CCBE1: variants seen among roughly 807,000 people sequenced by gnomAD.
The protein encoded by CCBE1 is collagen and calcium binding EGF domains 1.
CCBE1 carries 37 observed loss-of-function variants against 50.0 expected under a neutral mutation model. The ratio of observed to expected loss-of-function variants is 0.74; its 90% CI spans 0.57 to 0.97. The LOEUF (loss-of-function observed/expected upper bound fraction) is 0.97, where lower values mean the gene tolerates loss of function less well. CCBE1 is among the 50% of genes least tolerant of loss of function. CCBE1 has a pLI of 0.00. For missense variants in CCBE1, 538 were observed against 523.8 expected, an observed-to-expected ratio of 1.03 and a Z score of -0.26; for synonymous variants, 234 against 203.7, an observed-to-expected ratio of 1.15 and a Z score of -1.27.
rs191132730 is a variant in CCBE1 at position 59,635,633 on chromosome 18, G to A, written c.212+60996C>T. 4.6e-3 allele frequency among the ~76,000 whole-genome samples: 693 copies of A among 152,034 alleles called. 11 individuals are homozygous for A. Among genetic ancestry groups the A allele is most frequent in the African/African-American group, 0.016 (650 of 41,460 alleles). On this transcript the variant is annotated intron_variant, in intron 2 of 10. Transcript: ENST00000439986. Reference sequence around the variant, plus strand: ...TTCAGGAAGAGAAGAAGATATTTGTGAACAATAGACATGAAGGTGATTGTT... The same window carrying A: ...TTCAGGAAGAGAAGAAGATATTTGTAAACAATAGACATGAAGGTGATTGTT...
intron 2 of CCBE1, among the ~76,000 whole-genome samples, chr18:59,495,680 G>C (rs1913322488): frequency 6.6e-6 from 1 of 151,688 alleles, no homozygotes; most frequent in African/African-American, 2.4e-5. Context: ...CTATGACTTG[G>C]AAGTGTTTTT....
Position 59,438,091 on chromosome 18 carries a change from G to A in CCBE1, c.987+20C>T. 1.2e-6 allele frequency: 2 copies of A among 1,613,870 alleles called. No homozygotes were observed. Among genetic ancestry groups the A allele is most frequent in the South Asian group, 2.2e-5 (2 of 91,050 alleles). The stretch of plus-strand genomic sequence containing the variant: ...CTGAGAACGTTCCCCTGGGGAAGCA[G>A]GACACAGAGTGCTACTTACTGGAGA... On this transcript the variant is annotated intron_variant, in intron 10 of 10. Coordinates refer to ENST00000439986, the MANE Select transcript of CCBE1 (RefSeq NM_133459.4).
intron 2 of CCBE1, among the ~76,000 whole-genome samples, chr18:59,645,149 G>T (rs2054039968): frequency 6.6e-6 from 1 of 152,188 alleles, no homozygotes; most frequent in African/African-American, 2.4e-5. Flanking sequence ...AGCTACTCAG[G>T]AGGCTGAGGC....
At chr18:59,582,124 G>A (rs941280724) in intron 2 of CCBE1, among the ~76,000 whole-genome samples, 15 of 152,098 alleles carry the variant, frequency 9.9e-5, no homozygotes, top group East Asian at 3.9e-4. Context: ...GGGTGCTCCT[G>A]TACCCTCCGG....
chr18:59,657,788 G>A (rs1460427050), intron 2 of CCBE1, among the ~76,000 whole-genome samples: 3 of 152,198 alleles, frequency 2.0e-5, no homozygotes, highest in Non-Finnish European at 4.4e-5. Flanking sequence ...TACTCAAGAG[G>A]CTGAGGCAGG....
chr18:59,446,870 A>G (rs1465967532), intron 7 of CCBE1, among the ~76,000 whole-genome samples: 1 of 152,188 alleles, frequency 6.6e-6, no homozygotes, highest in East Asian at 1.9e-4. Context: ...TAGGATGTCA[A>G]GAGGTCATTC....
At position 59,447,993 on chromosome 18, in the gene CCBE1, C is replaced by T; in HGVS notation, c.765G>A (p.Gln255=). The stretch of plus-strand genomic sequence containing the variant: ...CTCTTCCACACTCACCGGGAGGGCC[C>T]TGGCCCCCAGGCAGGCCAGGAGGTC... ...LPGPPGLPGG[Q]GPPGSPGPKG... The change falls in exon 7 of 11, where the codon CAG becomes CAA. Residue 255 remains glutamine, a synonymous_variant. Transcript: ENST00000439986. 1 of 1,614,202 alleles carries T rather than the reference C, an allele frequency of 6.2e-7. No homozygotes were observed.
intron 2 of CCBE1, among the ~76,000 whole-genome samples, chr18:59,483,751 G>T (rs1437875490): frequency 6.6e-6 from 1 of 152,178 alleles, no homozygotes; most frequent in African/African-American, 2.4e-5. Context: ...ATGCAATGCA[G>T]TGGTGGTAGA....
At chr18:59,697,698 T>G, upstream of CCBE1, 1 of 221,066 alleles carries the variant, frequency 4.5e-6, no homozygotes, top group Non-Finnish European at 9.0e-6. Context: ...TCCCTCTCCC[T>G]CCTCTGGGAG....
chr18:59,471,918 C>T (rs1316863040), intron 3 of CCBE1, among the ~76,000 whole-genome samples: 2 of 152,236 alleles, frequency 1.3e-5, no homozygotes, highest in Non-Finnish European at 1.5e-5. Flanking sequence ...CATGTGCCAC[C>T]TCCGGAGGTT....
chr18:59,507,143 T>G (rs896824766), intron 2 of CCBE1, among the ~76,000 whole-genome samples: 1 of 152,180 alleles, frequency 6.6e-6, no homozygotes, highest in African/African-American at 2.4e-5. Context: ...AGTCAAAACA[T>G]CTGAAAATCA....
intron 2 of CCBE1, among the ~76,000 whole-genome samples, chr18:59,590,824 A>G (rs1452620767): frequency 6.6e-6 from 1 of 152,220 alleles, no homozygotes; most frequent in Admixed American, 6.5e-5. Context: ...TAAAAAGATA[A>G]AATTAGATAC....
chr18:59,597,272 T>G (rs2053365877), intron 2 of CCBE1, among the ~76,000 whole-genome samples: 1 of 152,230 alleles, frequency 6.6e-6, no homozygotes, highest in Non-Finnish European at 1.5e-5. Flanking sequence ...AGGTAATTCA[T>G]AAAAAGCACT....
intron 7 of CCBE1, among the ~76,000 whole-genome samples, chr18:59,442,545 C>G (rs1259139009): frequency 3.3e-5 from 5 of 151,900 alleles, no homozygotes. Flanking sequence ...GTGGCCAACA[C>G]AGTGAAACCC....
chr18:59,595,132 A>AAAAAAAAAAAAAAAAAAAAAAAAAAAC (rs2053332760), intron 2 of CCBE1, among the ~76,000 whole-genome samples: 1 of 151,040 alleles, frequency 6.6e-6, no homozygotes, highest in African/African-American at 2.5e-5. Context: ...AAAAAAAAAA[A>AAAAAAAAAAAAAAAAAAAAAAAAAAAC]ATCCATTCTC....
chr18:59,510,429 T>C (rs1914081712), intron 2 of CCBE1, among the ~76,000 whole-genome samples: 1 of 152,038 alleles, frequency 6.6e-6, no homozygotes, highest in African/African-American at 2.4e-5. Flanking sequence ...AATTGAACTT[T>C]TTTTTTTTTG....
Position 59,646,764 on chromosome 18 carries a change from G to C in CCBE1, c.212+49865C>G, listed in dbSNP as rs569040543. On this transcript the variant is annotated intron_variant, in intron 2 of 10. Coordinates refer to ENST00000439986, the MANE Select transcript of CCBE1 (RefSeq NM_133459.4). ...AAAACGGTACTTCCCGATGAGATCTGGGTGTGCAGCCAGCTGCACTGCTGA... is the reference window on the plus strand; with the variant it reads ...AAAACGGTACTTCCCGATGAGATCTCGGTGTGCAGCCAGCTGCACTGCTGA... Among the ~76,000 whole-genome samples the C allele has an allele frequency of 2.0e-5, 3 of 152,338 alleles. No homozygotes were observed. The South Asian group carries it at 6.2e-4, about 32-fold the overall frequency.
In CCBE1 at chr18:59,646,691, T is replaced by C. The variant is rs1239127427; in HGVS notation, c.212+49938A>G. Among the ~76,000 whole-genome samples, 5 of 152,312 alleles carry C rather than the reference T, an allele frequency of 3.3e-5. 1 individual carries two copies. Among genetic ancestry groups the C allele is most frequent in the African/African-American group, 1.2e-4 (5 of 41,572 alleles). On this transcript the variant is annotated intron_variant, in intron 2 of 10. Transcript: ENST00000439986. ...GCCCTAGAGGAATAAACACTCCCCA[T>C]AAAATCTCTCAGCAGAGACATGACA...
intron 7 of CCBE1, among the ~76,000 whole-genome samples, chr18:59,447,043 ATTTTTT>A (rs938356347): frequency 2.6e-5 from 4 of 151,540 alleles, no homozygotes; most frequent in Non-Finnish European, 5.9e-5. Context: ...ACTTGGAACT[ATTTTTT>A]TTTAAGTTCT....
Sources: allele counts gnomAD v4.1 joint callset (sites outside exome capture counted in the v4.1 genomes callset), GRCh38; gene constraint gnomAD v4.1.1; transcripts MANE v1.5; gene names NCBI Gene and HGNC (gene_info 2026-07-23, HGNC 2026-07-21).